Variants in DKK4 observed in about 807,000 individuals in gnomAD.
DKK4 encodes the protein dickkopf Wnt signaling pathway inhibitor 4.
A neutral mutation model predicts 14.5 loss-of-function variants in DKK4; 15 were observed. The ratio of observed to expected loss-of-function variants is 1.03; its 90% CI spans 0.69 to 1.59. The LOEUF (loss-of-function observed/expected upper bound fraction) is 1.59. Ranked by LOEUF, DKK4 falls within the 40% of genes most tolerant of loss-of-function variation. The pLI is 0.00. For synonymous variants in DKK4, 89 were observed against 105.2 expected, an observed-to-expected ratio of 0.85 and a Z score of 0.94; for missense variants, 272 against 280.3, an observed-to-expected ratio of 0.97 and a Z score of 0.21.
upstream of DKK4, among the ~76,000 whole-genome samples, chr8:42,380,836 G>GA (rs1824666213): frequency 1.5e-5 from 2 of 129,068 alleles, 1 homozygote; most frequent in South Asian, 4.8e-4. Flanking sequence ...AGGAAGGGAG[G>GA]AAAAAATAAA....
chr8:42,390,218 T>C, the DKK4 span, among the ~76,000 whole-genome samples: 3 of 151,990 alleles, frequency 2.0e-5, no homozygotes, highest in African/African-American at 7.3e-5. Flanking sequence ...TTTACATTGT[T>C]GCCACACTAA....
the DKK4 span, among the ~76,000 whole-genome samples, chr8:42,389,560 G>A: frequency 1.3e-5 from 2 of 152,178 alleles, no homozygotes; most frequent in African/African-American, 4.8e-5. Context: ...CTTTCACACA[G>A]CGGTCAAATC....
At chr8:42,384,039 C>T in the DKK4 span, among the ~76,000 whole-genome samples, 1 of 152,192 alleles carries the variant, frequency 6.6e-6, no homozygotes, top group African/African-American at 2.4e-5. Context: ...TGGGCACTAT[C>T]CCGCTTTCCT....
At chr8:42,375,160 G>T (rs1270335148) in intron 2 of DKK4, among the ~76,000 whole-genome samples, 1 of 152,212 alleles carries the variant, frequency 6.6e-6, no homozygotes, top group African/African-American at 2.4e-5. Context: ...GTATTTGAAT[G>T]ATTACAACTT....
At chr8:42,388,289 G>A in the DKK4 span, among the ~76,000 whole-genome samples, 1 of 151,908 alleles carries the variant, frequency 6.6e-6, no homozygotes, top group African/African-American at 2.4e-5. Context: ...GAGTGAAGTG[G>A]GGCAATCTCA....
At chr8:42,381,694 C>G (rs1824682976), upstream of DKK4, among the ~76,000 whole-genome samples, 1 of 152,190 alleles carries the variant, frequency 6.6e-6, no homozygotes, top group Non-Finnish European at 1.5e-5. Flanking sequence ...TTCTTTGTCT[C>G]TACAACTAGA....
chr8:42,381,829 C>G (rs932438895), upstream of DKK4, among the ~76,000 whole-genome samples: 2 of 152,142 alleles, frequency 1.3e-5, no homozygotes, highest in African/African-American at 4.8e-5. Context: ...GAAACTCCAT[C>G]TCTACTAAAA....
chr8:42,377,151 C>A lies in DKK4; in HGVS notation c.-106G>T, dbSNP rs111420727. On this transcript the variant is annotated 5_prime_UTR_variant, in exon 1 of 4. Transcript: ENST00000220812. The stretch of plus-strand genomic sequence containing the variant: ...CCACTAAGCTGGCAGCTCAGCACGT[C>A]GTCTGTTTGTCACTGCTTTTTCTGA... 57 of 850,736 alleles carry A rather than the reference C, an allele frequency of 6.7e-5. 5 individuals carry two copies. The highest frequency in any genetic ancestry group is 6.1e-4 in the African/African-American group (36 of 59,136). The allele number at this position is 850,736 out of a possible 1,614,324, so 52.7% of individuals were successfully genotyped here. A position where few individuals can be genotyped will look rare whatever the true frequency, so the allele number is the denominator to read the frequency against.
At chr8:42,389,098 C>G in the DKK4 span, among the ~76,000 whole-genome samples, 19 of 152,288 alleles carry the variant, frequency 1.2e-4, no homozygotes, top group African/African-American at 4.6e-4. Flanking sequence ...CACATGCCAC[C>G]CATGCCTGGC....
At chr8:42,386,153 G>C in the DKK4 span, among the ~76,000 whole-genome samples, 1 of 151,782 alleles carries the variant, frequency 6.6e-6, no homozygotes, top group Non-Finnish European at 1.5e-5. Flanking sequence ...TCACAGGCAG[G>C]ATCAGAGTGC....
chr8:42,380,782 GAGAA>G (rs1824663155), upstream of DKK4, among the ~76,000 whole-genome samples: 1 of 132,526 alleles, frequency 7.5e-6, no homozygotes, highest in Admixed American at 8.2e-5. Context: ...AAGAATGTGA[GAGAA>G]AGGAAGAAAG....
chr8:42,386,369 T>C, the DKK4 span, among the ~76,000 whole-genome samples: 1 of 152,214 alleles, frequency 6.6e-6, no homozygotes, highest in African/African-American at 2.4e-5. Context: ...CTTTTTTCAA[T>C]GAGCCTTTCT....
At chr8:42,374,546 C>G (rs902850743) in intron 3 of DKK4, among the ~76,000 whole-genome samples, 187 bp from the exon 4 acceptor site, 1 of 152,132 alleles carries the variant, frequency 6.6e-6, no homozygotes, top group Admixed American at 6.5e-5. Context: ...CCACCCCTAC[C>G]CATCAGAATT....
At chr8:42,384,667 C>A in the DKK4 span, among the ~76,000 whole-genome samples, 1 of 152,108 alleles carries the variant, frequency 6.6e-6, no homozygotes, top group Admixed American at 6.5e-5. Flanking sequence ...CAGGAGTTTC[C>A]CTCTGGTCGT....
At chr8:42,386,577 A>G in the DKK4 span, among the ~76,000 whole-genome samples, 1 of 152,038 alleles carries the variant, frequency 6.6e-6, no homozygotes, top group African/African-American at 2.4e-5. Flanking sequence ...CTGTAGCCTC[A>G]ACCTCCTGGT....
At chr8:42,383,129 AGGGGCATGT>A in the DKK4 span, among the ~76,000 whole-genome samples, 1 of 152,210 alleles carries the variant, frequency 6.6e-6, no homozygotes, top group South Asian at 2.1e-4. Context: ...AAAGATGAGA[AGGGGCATGT>A]TGATGGGGCG....
At chr8:42,381,557 A>C (rs575824765), upstream of DKK4, among the ~76,000 whole-genome samples, 8 of 152,190 alleles carry the variant, frequency 5.3e-5, no homozygotes, top group Middle Eastern at 3.4e-3. Flanking sequence ...CTCAGCACTG[A>C]CAGAATGTGG....
chr8:42,380,373 G>A (rs959845988), upstream of DKK4, among the ~76,000 whole-genome samples: 1 of 140,462 alleles, frequency 7.1e-6, no homozygotes, highest in Non-Finnish European at 1.5e-5. Context: ...GAGAAAGAGA[G>A]ACAGAGAAAG....
the DKK4 span, among the ~76,000 whole-genome samples, chr8:42,389,942 A>T: frequency 6.6e-6 from 1 of 150,982 alleles, no homozygotes; most frequent in East Asian, 1.9e-4. Context: ...CCCAGGCTGG[A>T]GTGCAATGGC....
Sources: gnomAD v4.1 joint callset for allele counts (sites outside exome capture counted in the v4.1 genomes callset) on GRCh38, gnomAD v4.1.1 for gene constraint, MANE v1.5 for transcripts, NCBI Gene and HGNC (gene_info 2026-07-23, HGNC 2026-07-21) for gene names.